The following SPTBN1 variants were observed in gnomAD, a reference collection of about 807,000 sequenced individuals.
The protein encoded by SPTBN1 is spectrin beta, non-erythrocytic 1.
In SPTBN1, 32 loss-of-function variants were observed where a neutral mutation model predicts 266.4. The observed-to-expected ratio is 0.12, with a 90% CI of 0.09 to 0.16. SPTBN1 has a LOEUF of 0.16. Among genes scored for constraint, SPTBN1 ranks in the 10% least tolerant of loss-of-function variants. The pLI is 1.00. For missense variants in SPTBN1, 2,296 were observed against 3,067.1 expected (o/e 0.75, Z 5.94); for synonymous variants, 1,336 against 1,162.2 (o/e 1.15, Z -3.04).
intron 2 of SPTBN1, among the ~76,000 whole-genome samples, chr2:54,562,643 A>G (rs1179496091): frequency 4.4e-5 from 6 of 136,138 alleles, no homozygotes; most frequent in South Asian, 2.3e-4. Context: ...TGATTCTCCC[A>G]CCTCAGTCTC....
chr2:54,537,315 A>T (rs748409598), intron 2 of SPTBN1, among the ~76,000 whole-genome samples: 2 of 152,192 alleles, frequency 1.3e-5, no homozygotes, highest in Non-Finnish European at 2.9e-5. Flanking sequence ...CCTGTAGTTC[A>T]AATGTCTGTA....
In SPTBN1 at chr2:54,664,918, G is replaced by A. The variant is rs890674186; in HGVS notation, c.6659+227G>A. On this transcript the variant is annotated intron_variant, in intron 33 of 35. Transcript: ENST00000356805. This position sits in a 1 kb window ranked among gnomAD's most constrained non-coding sequence, Gnocchi z 5.6. ...GTTTGGATGGGAGTAGCTAGAAGGG[G>A]CTTTAGTAGTTCATCTAGAGAAGGA... The A allele has an allele frequency of 3.0e-5, 16 of 528,532 alleles. No individual in the cohort carries two copies. Among genetic ancestry groups the A allele is most frequent in the South Asian group, 1.0e-4 (4 of 40,116 alleles). The allele number at this position is 528,532 out of a possible 1,614,324, so 32.7% of individuals were successfully genotyped here. A position where few individuals can be genotyped will look rare whatever the true frequency, so the allele number is the denominator to read the frequency against.
At chr2:54,483,580 C>T (rs911940490) in intron 1 of SPTBN1, among the ~76,000 whole-genome samples, 1 of 152,132 alleles carries the variant, frequency 6.6e-6, no homozygotes, top group South Asian at 2.1e-4. Flanking sequence ...TCCTGCATTT[C>T]GCTGGACATT....
intron 4 of SPTBN1, among the ~76,000 whole-genome samples, chr2:54,614,073 T>C (rs924724364): frequency 3.3e-5 from 5 of 152,230 alleles, no homozygotes; most frequent in African/African-American, 1.2e-4. Context: ...ATTCAACTTG[T>C]AAATGCTGAT....
chr2:54,516,083 T>C (rs1358766337), intron 1 of SPTBN1: 1 of 152,176 alleles, frequency 6.6e-6, no homozygotes, highest in African/African-American at 2.4e-5. Flanking sequence ...TGAGTCTTTT[T>C]GATATTTTTC....
intron 2 of SPTBN1, chr2:54,528,678 C>G (rs147265083): frequency 2.0e-3 from 288 of 145,558 alleles, no homozygotes; most frequent in African/African-American, 7.3e-3. Context: ...AGTGTATACT[C>G]TTTTTCAGTA....
intron 3 of SPTBN1, among the ~76,000 whole-genome samples, chr2:54,606,670 C>T (rs908869180): frequency 1.3e-5 from 2 of 152,146 alleles, no homozygotes; most frequent in African/African-American, 2.4e-5. Context: ...ATAGCTGATC[C>T]AGGAGACAAA....
chr2:54,470,341 C>T (rs139537125), intron 1 of SPTBN1, among the ~76,000 whole-genome samples: 32 of 152,278 alleles, frequency 2.1e-4, no homozygotes, highest in African/African-American at 7.0e-4. Context: ...CTGGACTACA[C>T]TCTTGTTAAA....
chr2:54,465,056 G>C (rs1392893196), intron 1 of SPTBN1, among the ~76,000 whole-genome samples: 1 of 152,010 alleles, frequency 6.6e-6, no homozygotes, highest in African/African-American at 2.4e-5. Flanking sequence ...TTTTTAAAAA[G>C]GAAAGAAAAA....
chr2:54,618,376 G>T (rs1322239107), intron 7 of SPTBN1, among the ~76,000 whole-genome samples, 183 bp downstream of exon 7: 1 of 152,234 alleles, frequency 6.6e-6, no homozygotes, highest in Non-Finnish European at 1.5e-5. Flanking sequence ...CTTGAAAGAT[G>T]AATACGATTT....
At chr2:54,498,489 A>G (rs1357209881) in intron 1 of SPTBN1, among the ~76,000 whole-genome samples, 1 of 152,168 alleles carries the variant, frequency 6.6e-6, no homozygotes, top group East Asian at 1.9e-4. Context: ...TTTATGCCAC[A>G]GTTTTCTCAT....
At chr2:54,652,356 C>T (rs922335710) in intron 26 of SPTBN1, among the ~76,000 whole-genome samples, 6 of 152,138 alleles carry the variant, frequency 3.9e-5, no homozygotes, top group African/African-American at 7.2e-5. Context: ...ATATTATGCA[C>T]GTTGTCTTCC....
chr2:54,649,839 G>C lies in SPTBN1; in HGVS notation c.5427G>C (p.Lys1809Asn). ...TTGCCGCTTCCTATGAACTGCACAAGTTTTACCACGATGCCAAGGAGATCT... is the reference window on the plus strand; with the variant it reads ...TTGCCGCTTCCTATGAACTGCACAACTTTTACCACGATGCCAAGGAGATCT... ...QILAASYELHKFYHDAKEIFG... is the reference protein window; with the variant it reads ...QILAASYELHNFYHDAKEIFG... The change falls in exon 26 of 36, where the codon AAG (lysine) becomes AAC (asparagine). Residue 1809 changes from lysine (K) to asparagine (N), a missense_variant. Transcript: ENST00000356805. This position sits in a 1 kb window ranked among gnomAD's most constrained non-coding sequence, Gnocchi z 6.7. 6.2e-7 allele frequency: 1 copy of C among 1,614,172 alleles called. No individual in the cohort carries two copies. The highest frequency in any genetic ancestry group is 8.5e-7 in the Non-Finnish European group (1 of 1,180,034).
chr2:54,646,037 C>G lies in SPTBN1; in HGVS notation c.4584+20C>G. The stretch of plus-strand genomic sequence containing the variant: ...AATCAGGTAAGCCTTTCTGCTCGAG[C>G]TAGTTCTGTCTGATAAATAATTGCT... On this transcript the variant is annotated intron_variant, in intron 22 of 35. Coordinates refer to ENST00000356805, the MANE Select transcript of SPTBN1 (RefSeq NM_003128.3). This position sits in a 1 kb window ranked among gnomAD's most constrained non-coding sequence, Gnocchi z 4.4. The G allele has an allele frequency of 6.2e-7, 1 of 1,614,010 alleles. No individual in the cohort carries two copies. The highest frequency in any genetic ancestry group is 8.5e-7 in the Non-Finnish European group (1 of 1,179,916).
At chr2:54,523,679 T>C (rs962463599) in intron 1 of SPTBN1, among the ~76,000 whole-genome samples, 10 of 152,222 alleles carry the variant, frequency 6.6e-5, no homozygotes, top group African/African-American at 2.4e-4. Flanking sequence ...TTTCTACATA[T>C]ATGGGTTTGT....
intron 26 of SPTBN1, among the ~76,000 whole-genome samples, chr2:54,651,457 A>C (rs1246341934): frequency 2.0e-5 from 3 of 152,222 alleles, no homozygotes; most frequent in Non-Finnish European, 1.5e-5. Context: ...ATAACAGAGC[A>C]AAAGGGAAGG....
intron 1 of SPTBN1, among the ~76,000 whole-genome samples, chr2:54,474,406 T>C (rs1173414094): frequency 6.6e-6 from 1 of 151,056 alleles, no homozygotes; most frequent in African/African-American, 2.5e-5. Flanking sequence ...TAAAACCTGA[T>C]TTCACCATGG....
At chr2:54,581,720 A>G (rs955274844) in intron 2 of SPTBN1, among the ~76,000 whole-genome samples, 18 of 151,166 alleles carry the variant, frequency 1.2e-4, no homozygotes, top group African/African-American at 4.1e-4. Flanking sequence ...TGTCATTACT[A>G]CTTCCTCCTC....
chr2:54,571,966 A>G (rs1022468165), intron 2 of SPTBN1, among the ~76,000 whole-genome samples: 5 of 152,178 alleles, frequency 3.3e-5, no homozygotes, highest in African/African-American at 9.7e-5. Context: ...GGCTGGGCCT[A>G]TCTACTTTTT....
Sources: gnomAD v4.1 joint callset for allele counts (sites outside exome capture counted in the v4.1 genomes callset) on GRCh38, gnomAD v4.1.1 for gene constraint, Gnocchi (gnomAD v3.1) non-coding constraint, MANE v1.5 for transcripts, NCBI Gene and HGNC (gene_info 2026-07-23, HGNC 2026-07-21) for gene names.